ADAMTSL3: variants seen among roughly 807,000 people sequenced by gnomAD.
ADAMTSL3 encodes ADAMTS-like protein 3.
ADAMTSL3 carries 128 observed loss-of-function variants against 201.7 expected under a neutral mutation model. The ratio of observed to expected loss-of-function variants is 0.63; its 90% CI spans 0.55 to 0.73. The LOEUF (loss-of-function observed/expected upper bound fraction) is 0.73, where lower values mean the gene tolerates loss of function less well. ADAMTSL3 is among the 30% of genes least tolerant of loss of function. The pLI is 0.00. For missense variants in ADAMTSL3, 1,990 were observed against 2,119.6 expected, an observed-to-expected ratio of 0.94 and a Z score of 1.20; for synonymous variants, 738 against 748.4, an observed-to-expected ratio of 0.99 and a Z score of 0.23.
chr15:83,756,374 C>A (rs758428258), intron 3 of ADAMTSL3, among the ~76,000 whole-genome samples: 3 of 152,206 alleles, frequency 2.0e-5, no homozygotes, highest in Non-Finnish European at 4.4e-5. Flanking sequence ...AAAGGGACAT[C>A]TTAATATGGT....
chr15:83,740,396 A>C (rs903894583), intron 3 of ADAMTSL3, among the ~76,000 whole-genome samples: 7 of 152,220 alleles, frequency 4.6e-5, no homozygotes, highest in Admixed American at 6.5e-5. Context: ...TTGGAATTTA[A>C]AAATACCTTT....
rs772270446 is a variant in ADAMTSL3, at chr15:83,733,966, A to G, written c.189+29458A>G. On this transcript the variant is annotated intron_variant, in intron 3 of 29. Transcript: ENST00000286744. ...TGGAGTGGCGTATAAGGAATAGACA[A>G]TGCAGGCGGACATTTAATTAAAGAT... 5.3e-5 allele frequency among the ~76,000 whole-genome samples: 8 copies of G among 152,284 alleles called. 1 individual carries two copies. The East Asian group carries it at 1.4e-3, about 26-fold the overall frequency.
intron 26 of ADAMTSL3, 31 bp downstream of exon 26, chr15:84,021,624 A>C (rs1357192662): frequency 1.3e-6 from 2 of 1,599,644 alleles, no homozygotes; most frequent in East Asian, 2.2e-5. Context: ...TATCTCATCA[A>C]CACCAAGTTT....
chr15:83,915,527 G>T (rs963605458), intron 16 of ADAMTSL3, among the ~76,000 whole-genome samples: 7 of 150,760 alleles, frequency 4.6e-5, no homozygotes, highest in Non-Finnish European at 1.0e-4. Flanking sequence ...CAGCTTTATC[G>T]AGATAGAATG....
At chr15:83,963,672 T>C (rs2142101001) in intron 19 of ADAMTSL3, among the ~76,000 whole-genome samples, 1 of 152,298 alleles carries the variant, frequency 6.6e-6, no homozygotes, top group South Asian at 2.1e-4. Context: ...GGATAGACTG[T>C]CTCCTCAAGT....
intron 3 of ADAMTSL3, among the ~76,000 whole-genome samples, chr15:83,743,098 T>C (rs193259792): frequency 6.6e-6 from 1 of 152,300 alleles, no homozygotes; most frequent in East Asian, 1.9e-4. Context: ...CCTCCTAACT[T>C]TACTACACTA....
chr15:83,970,552 T>TC lies in ADAMTSL3; in HGVS notation c.2560dup (p.Arg854ProfsTer7). On this transcript the variant is annotated frameshift_variant, in exon 20 of 30. Coordinates refer to ENST00000286744, the MANE Select transcript of ADAMTSL3 (RefSeq NM_207517.3). LOFTEE classifies it high-confidence loss of function. ...TGTGTCAAAGGCTGGCAGCCAAAGG[T>TC]CGGCGCATCCCCCTCAGTGAGATGA... 6.2e-7 allele frequency: 1 copy of TC among 1,614,192 alleles called. No homozygotes were observed. The highest frequency in any genetic ancestry group is 1.1e-5 in the South Asian group (1 of 91,076).
chr15:83,698,722 G>A (rs2141483220), intron 2 of ADAMTSL3, among the ~76,000 whole-genome samples: 1 of 152,266 alleles, frequency 6.6e-6, no homozygotes, highest in African/African-American at 2.4e-5. Flanking sequence ...GAAGCCGTGT[G>A]TGAACTCAGC....
In ADAMTSL3 at chr15:83,892,799, T is replaced by A. The variant is rs1055376514; in HGVS notation, c.1378T>A (p.Trp460Arg). 6.2e-7 allele frequency: 1 copy of A among 1,614,108 alleles called. No individual in the cohort carries two copies. The highest frequency in any genetic ancestry group is 8.5e-7 in the Non-Finnish European group (1 of 1,180,004). Residue 460 changes from tryptophan to arginine, a missense_variant, in exon 13 of 30, where the codon TGG becomes AGG. By Grantham distance (101) the Trp-to-Arg change is moderately radical. Coordinates refer to ENST00000286744, the MANE Select transcript of ADAMTSL3 (RefSeq NM_207517.3). ...MHGEILQVEE[W>R]KCMYAPKPKV... ...TGGAGAGATATTGCAGGTGGAAGAA[T>A]GGAAGTGCATGTACGCACCCAAACC...
chr15:84,031,766 C>A (rs552765991), intron 28 of ADAMTSL3, among the ~76,000 whole-genome samples: 4 of 152,144 alleles, frequency 2.6e-5, no homozygotes, highest in African/African-American at 9.7e-5. Context: ...TCCATTTAGG[C>A]TTACAGATTA....
At position 84,033,307 on chromosome 15, in the gene ADAMTSL3, C is replaced by T. The variant is rs959525560; in HGVS notation, c.4754+1875C>T. 3.3e-5 allele frequency among the ~76,000 whole-genome samples: 5 copies of T among 152,142 alleles called. No individual in the cohort carries two copies. The East Asian group carries it at 7.7e-4, about 23-fold the overall frequency. ...CCATCTCCCTGCTAGACTAAAATTA[C>T]TTTAGAGGTTTTACTTGCTCTTAGG... On this transcript the variant is annotated intron_variant, in intron 28 of 29. Coordinates refer to ENST00000286744, the MANE Select transcript of ADAMTSL3 (RefSeq NM_207517.3).
intron 3 of ADAMTSL3, among the ~76,000 whole-genome samples, chr15:83,748,122 G>A (rs1244824448): frequency 6.6e-6 from 1 of 152,098 alleles, no homozygotes; most frequent in African/African-American, 2.4e-5. Flanking sequence ...CATTCTAAAG[G>A]GAGTAGCACA....
intron 3 of ADAMTSL3, among the ~76,000 whole-genome samples, chr15:83,727,955 G>T (rs2141595211): frequency 6.6e-6 from 1 of 152,106 alleles, no homozygotes; most frequent in South Asian, 2.1e-4. Flanking sequence ...AGTGCTGGAA[G>T]TGGGGTGCTG....
intron 9 of ADAMTSL3, among the ~76,000 whole-genome samples, chr15:83,880,573 A>G (rs920821021): frequency 1.3e-5 from 2 of 152,216 alleles, no homozygotes; most frequent in African/African-American, 2.4e-5. Flanking sequence ...AAGTTTGTCC[A>G]TTGAGATATT....
intron 2 of ADAMTSL3, among the ~76,000 whole-genome samples, chr15:83,669,336 G>A (rs994436945): frequency 2.0e-5 from 3 of 151,720 alleles, no homozygotes; most frequent in African/African-American, 7.3e-5. Context: ...AGTAGAGACG[G>A]GGTTTCACCA....
rs2141956385 is a variant in ADAMTSL3, at chr15:84,039,568, C to T, written c.*1762C>T. On this transcript the variant is annotated 3_prime_UTR_variant, in exon 30 of 30. Transcript: ENST00000286744. ...GTATATATTTATTATATGAAAGGTG[C>T]AATATTTTATTTTGTACAGTATGTA... 1 of 152,594 alleles carries T rather than the reference C, an allele frequency of 6.6e-6. No homozygotes were observed. The highest frequency in any genetic ancestry group is 1.9e-4 in the East Asian group (1 of 5,184). 9.5% of individuals were successfully genotyped at this position (152,594 alleles called of 1,614,324 possible).
chr15:83,820,368 G>C (rs190639680), intron 6 of ADAMTSL3, among the ~76,000 whole-genome samples: 2 of 152,084 alleles, frequency 1.3e-5, no homozygotes, highest in African/African-American at 2.4e-5. Context: ...ATGAGCCACC[G>C]CGCCGGGCCA....
chr15:83,870,600 C>T (rs2065062327), intron 8 of ADAMTSL3, among the ~76,000 whole-genome samples: 1 of 152,158 alleles, frequency 6.6e-6, no homozygotes, highest in Non-Finnish European at 1.5e-5. Flanking sequence ...TTTGGGCCTG[C>T]CACCCTTGTT....
At chr15:83,770,538 A>G (rs1049295989) in intron 3 of ADAMTSL3, among the ~76,000 whole-genome samples, 1 of 152,210 alleles carries the variant, frequency 6.6e-6, no homozygotes, top group African/African-American at 2.4e-5. Flanking sequence ...AAAATGATAT[A>G]TGTGTTTTTA....
Sources: allele counts gnomAD v4.1 joint callset (sites outside exome capture counted in the v4.1 genomes callset), GRCh38; gene constraint gnomAD v4.1.1; transcripts MANE v1.5; gene names NCBI Gene and HGNC (gene_info 2026-07-23, HGNC 2026-07-21).